The following NHSL1 variants were observed in gnomAD, a reference collection of about 807,000 sequenced individuals.
NHSL1 encodes NHS like 1.
NHSL1 carries 48 observed loss-of-function variants against 95.0 expected under a neutral mutation model. The observed-to-expected ratio is 0.51, with a 90% CI of 0.40 to 0.64. The LOEUF (loss-of-function observed/expected upper bound fraction) is 0.64, where lower values mean the gene tolerates loss of function less well. Among genes scored for constraint, NHSL1 ranks in the 30% least tolerant of loss-of-function variants. The pLI is 0.00. For missense variants in NHSL1, 1,971 were observed against 2,077.7 expected, an observed-to-expected ratio of 0.95 and a Z score of 1.00; for synonymous variants, 783 against 833.9, an observed-to-expected ratio of 0.94 and a Z score of 1.05.
intron 1 of NHSL1, among the ~76,000 whole-genome samples, chr6:138,600,941 C>T (rs746846420): frequency 2.6e-5 from 4 of 152,168 alleles, no homozygotes; most frequent in Non-Finnish European, 5.9e-5. Context: ...GAAAGGGCTG[C>T]CTGCATTTCT....
chr6:138,582,597 G>A (rs138677597), intron 1 of NHSL1, among the ~76,000 whole-genome samples: 3 of 152,240 alleles, frequency 2.0e-5, no homozygotes, highest in South Asian at 2.1e-4. Context: ...CTGAGCATCC[G>A]CCCAACCCCA....
intron 3 of NHSL1, among the ~76,000 whole-genome samples, chr6:138,469,466 G>A (rs1583242091): frequency 6.6e-6 from 1 of 152,324 alleles, no homozygotes; most frequent in African/African-American, 2.4e-5. Context: ...ACTCACGCCT[G>A]TAAGCCTAGA....
At chr6:138,530,103 T>C (rs1239984544) in intron 1 of NHSL1, among the ~76,000 whole-genome samples, 2 of 152,146 alleles carry the variant, frequency 1.3e-5, no homozygotes, top group African/African-American at 2.4e-5. Context: ...AAAATCTTAA[T>C]CCCCAATGTG....
chr6:138,527,553 C>T (rs1293326557), intron 1 of NHSL1, among the ~76,000 whole-genome samples: 1 of 152,076 alleles, frequency 6.6e-6, no homozygotes, highest in African/African-American at 2.4e-5. Flanking sequence ...AGCCGGATTA[C>T]CAGTGTCCAG....
chr6:138,578,747 T>C (rs934991770), intron 1 of NHSL1, among the ~76,000 whole-genome samples: 1 of 152,176 alleles, frequency 6.6e-6, no homozygotes, highest in Non-Finnish European at 1.5e-5. Flanking sequence ...GGAGATCTTA[T>C]TGAAATGCAG....
At chr6:138,629,381 C>T (rs1402112475) in intron 1 of NHSL1, among the ~76,000 whole-genome samples, 3 of 138,822 alleles carry the variant, frequency 2.2e-5, no homozygotes, top group African/African-American at 5.3e-5. Flanking sequence ...TTCTTTCTTT[C>T]TTTCTTTCTT....
rs191444309 is a variant in NHSL1 at position 138,678,981 on chromosome 6, T to G, written c.96+13495A>C. On this transcript the variant is annotated intron_variant, in intron 1 of 3. Transcript: ENST00000491526. Reference sequence around the variant, plus strand: ...CCTTCATCGCCTCCCACCTCTATCATGAGTGAATTAGCCCAGAGTCCCCCA... The same window carrying G: ...CCTTCATCGCCTCCCACCTCTATCAGGAGTGAATTAGCCCAGAGTCCCCCA... Among the ~76,000 whole-genome samples the G allele has an allele frequency of 4.6e-5, 7 of 152,314 alleles. No individual in the cohort carries two copies. The East Asian group carries it at 1.3e-3, about 29-fold the overall frequency.
intron 1 of NHSL1, among the ~76,000 whole-genome samples, chr6:138,529,853 T>C (rs1442334945): frequency 6.6e-6 from 1 of 152,216 alleles, no homozygotes; most frequent in Non-Finnish European, 1.5e-5. Flanking sequence ...GGTCATTGAT[T>C]AGTAACTTTA....
rs369842315 is a variant in NHSL1, at chr6:138,431,086, C to T, written c.3259G>A (p.Ala1087Thr). The T allele has an allele frequency of 3.1e-5, 48 of 1,551,922 alleles. No homozygotes were observed. Among genetic ancestry groups the T allele is most frequent in the Middle Eastern group, 1.7e-4 (1 of 5,992 alleles). Residue 1087 changes from alanine to threonine, a missense_variant, in exon 6 of 8, where the codon GCT becomes ACT. Physicochemically the swap from Ala to Thr is moderately conservative, Grantham distance 58 (BLOSUM62 0). Around this residue, in one of 3 missense-constraint regions of NHSL1, gnomAD observed 1,602 missense variants for 1,654.5 expected, o/e 0.97. Coordinates refer to ENST00000343505, the MANE Select transcript of NHSL1 (RefSeq NM_001144060.2). The surrounding 1 kb of genome is among the most constrained non-coding windows in gnomAD (Gnocchi z 4.0). ...CGTTCAGACAACTGTGCCGCCTCAG[C>T]GCCTGAGTTCTTTCTCACGGGCCTC... ...QLRPVRKNSGAEAAQLSERTA... is the reference protein window; with the variant it reads ...QLRPVRKNSGTEAAQLSERTA...
intron 3 of NHSL1, chr6:138,464,296 G>A (rs899184270): frequency 9.8e-6 from 7 of 713,672 alleles, no homozygotes; most frequent in African/African-American, 7.2e-5. Flanking sequence ...TGGTGTCGTG[G>A]GCGGACTGGG....
intron 1 of NHSL1, among the ~76,000 whole-genome samples, chr6:138,679,607 C>A (rs1433846800): frequency 6.6e-6 from 1 of 152,058 alleles, no homozygotes; most frequent in African/African-American, 2.4e-5. Context: ...TAATTAAATC[C>A]TTGAAGAAGA....
chr6:138,498,966 CATAAATA>C (rs1254785822), intron 1 of NHSL1, among the ~76,000 whole-genome samples: 2 of 152,166 alleles, frequency 1.3e-5, no homozygotes, highest in African/African-American at 4.8e-5. Flanking sequence ...AAACCCCAAT[CATAAATA>C]AATAAGACAT....
intron 3 of NHSL1, among the ~76,000 whole-genome samples, chr6:138,454,763 C>T (rs1315605906): frequency 2.0e-5 from 3 of 152,216 alleles, no homozygotes; most frequent in Admixed American, 6.5e-5. Context: ...GTGATCTAAT[C>T]TCTCCAAGAT....
chr6:138,673,039 A>C lies in NHSL1; in HGVS notation c.96+19437T>G, dbSNP rs113864652. On this transcript the variant is annotated intron_variant, in intron 1 of 3. Coordinates refer to the NHSL1 transcript ENST00000491526. ...GATAGCTAGATAGATAGGTAGATAG[A>C]TAGATAGATAGATAGATAGATAGAT... Among the ~76,000 whole-genome samples, 69 of 10,290 alleles carry C rather than the reference A, an allele frequency of 6.7e-3. No individual in the cohort carries two copies. The East Asian group carries it at 0.18, about 27-fold the overall frequency. 6.8% of individuals were successfully genotyped at this position (10,290 alleles called of 152,430 possible).
intron 3 of NHSL1, among the ~76,000 whole-genome samples, chr6:138,449,247 G>C (rs1034924925): frequency 2.6e-5 from 4 of 152,168 alleles, no homozygotes; most frequent in African/African-American, 9.7e-5. Context: ...AGAATCCAAA[G>C]ACCTGAGTCT....
upstream of NHSL1, among the ~76,000 whole-genome samples, chr6:138,547,430 G>A (rs1300232706): frequency 6.6e-6 from 1 of 152,042 alleles, no homozygotes; most frequent in Non-Finnish European, 1.5e-5. Flanking sequence ...GCCCAGGCTG[G>A]AGGGCAGTGG....
intron 1 of NHSL1, among the ~76,000 whole-genome samples, chr6:138,676,843 C>T (rs1785455994): frequency 6.6e-6 from 1 of 152,066 alleles, no homozygotes; most frequent in Middle Eastern, 3.2e-3. Flanking sequence ...TTAGTAGAGA[C>T]GAGGTTTCAC....
At chr6:138,617,840 G>A (rs1221205426) in intron 1 of NHSL1, among the ~76,000 whole-genome samples, 10 of 152,230 alleles carry the variant, frequency 6.6e-5, no homozygotes, top group African/African-American at 2.2e-4. Flanking sequence ...GTCCATCACT[G>A]TTCCAAATGA....
At chr6:138,474,314 T>A (rs1778935821) in intron 2 of NHSL1, among the ~76,000 whole-genome samples, 1 of 152,232 alleles carries the variant, frequency 6.6e-6, no homozygotes, top group South Asian at 2.1e-4. Context: ...AGTTTTCTCT[T>A]TGCATAGCTT....
Sources: allele counts gnomAD v4.1 joint callset (sites outside exome capture counted in the v4.1 genomes callset), GRCh38; gene constraint gnomAD v4.1.1; regional missense constraint gnomAD v4.1.1; non-coding constraint Gnocchi (gnomAD v3.1); transcripts MANE v1.5; gene names NCBI Gene and HGNC (gene_info 2026-07-23, HGNC 2026-07-21).